Variants in SLC8A1 observed in about 807,000 individuals in gnomAD.
SLC8A1 encodes the protein solute carrier family 8 member A1.
A neutral mutation model predicts 68.3 loss-of-function variants in SLC8A1; 18 were observed. The ratio of observed to expected loss-of-function variants is 0.26; its 90% confidence interval spans 0.18 to 0.39. The LOEUF is 0.39. Ranked by LOEUF, SLC8A1 falls within the 10% of genes least tolerant of loss-of-function variation. The pLI, the probability that SLC8A1 is intolerant of heterozygous loss-of-function variation, is 1.00. For missense variants in SLC8A1, 985 were observed against 1,156.7 expected, an observed-to-expected ratio of 0.85 and a Z score of 2.15; for synonymous variants, 475 against 415.5, an observed-to-expected ratio of 1.14 and a Z score of -1.74.
intron 2 of SLC8A1, among the ~76,000 whole-genome samples, chr2:40,374,119 G>A (rs1431638774): frequency 1.3e-5 from 2 of 152,120 alleles, no homozygotes; most frequent in Non-Finnish European, 2.9e-5. Context: ...AGGAAAAAAT[G>A]TTAAGTTACA....
chr2:40,178,942 G>A (rs2048957258), intron 2 of SLC8A1, among the ~76,000 whole-genome samples: 1 of 152,088 alleles, frequency 6.6e-6, no homozygotes, highest in Admixed American at 6.6e-5. Flanking sequence ...TTGGCTTACA[G>A]GTCATTTTTT....
chr2:40,475,309 A>C (rs1313266715), intron 1 of SLC8A1, among the ~76,000 whole-genome samples: 1 of 151,678 alleles, frequency 6.6e-6, no homozygotes, highest in Non-Finnish European at 1.5e-5. Flanking sequence ...AATTTTTTGC[A>C]TTTTTAGTAG....
intron 2 of SLC8A1, among the ~76,000 whole-genome samples, chr2:40,408,865 T>A (rs1368753112): frequency 6.6e-6 from 1 of 151,322 alleles, no homozygotes; most frequent in Non-Finnish European, 1.5e-5. Flanking sequence ...AAGTATTGAA[T>A]CCAAAGACAC....
chr2:40,233,958 C>T (rs1009348882), intron 2 of SLC8A1, among the ~76,000 whole-genome samples: 1 of 151,634 alleles, frequency 6.6e-6, no homozygotes, highest in African/African-American at 2.4e-5. Flanking sequence ...TGATCTATAT[C>T]TCTGTTTTGG....
chr2:40,197,469 C>A (rs1420819424), intron 2 of SLC8A1, among the ~76,000 whole-genome samples: 1 of 151,978 alleles, frequency 6.6e-6, no homozygotes, highest in Non-Finnish European at 1.5e-5. Flanking sequence ...TAGTCCCTAA[C>A]ATACACACTG....
intron 2 of SLC8A1, among the ~76,000 whole-genome samples, chr2:40,424,220 C>G (rs1416187989): frequency 6.6e-6 from 1 of 151,630 alleles, no homozygotes; most frequent in Non-Finnish European, 1.5e-5. Context: ...CACAATTATC[C>G]TTCTGTTCTG....
chr2:40,208,760 G>A (rs536389694), intron 2 of SLC8A1, among the ~76,000 whole-genome samples: 6 of 152,228 alleles, frequency 3.9e-5, no homozygotes, highest in Non-Finnish European at 8.8e-5. Context: ...GAGTTGAAAT[G>A]AGAAACCAGA....
chr2:40,503,600 T>C (rs1002877826), intron 1 of SLC8A1, among the ~76,000 whole-genome samples: 3 of 151,946 alleles, frequency 2.0e-5, no homozygotes, highest in Non-Finnish European at 4.4e-5. Flanking sequence ...TAAACAAATT[T>C]AGTAAAGTTG....
At chr2:40,415,288 A>G (rs1223467443) in intron 2 of SLC8A1, among the ~76,000 whole-genome samples, 1 of 152,192 alleles carries the variant, frequency 6.6e-6, no homozygotes, top group Non-Finnish European at 1.5e-5. Flanking sequence ...TTTAAGAAGA[A>G]AAATTAAAGA....
rs976219891 is a variant in SLC8A1 at position 40,486,879 on chromosome 2, C to G, written c.-25+25470G>C. On this transcript the variant is annotated intron_variant, in intron 1 of 7. Transcript: ENST00000402441. ...TAATGCTATCCCTCCCCCCTCCCCC[C>G]ACCCCTTTGTAGAGACATGGATGAA... 6.8e-5 allele frequency among the ~76,000 whole-genome samples: 7 copies of G among 102,788 alleles called. No homozygotes were observed. In the Admixed American group the frequency reaches 7.0e-4, roughly 10 times the overall value. The allele number at this position is 102,788 out of a possible 152,430, so 67.4% of individuals were successfully genotyped here.
chr2:40,299,283 T>C (rs2070985317), intron 2 of SLC8A1, among the ~76,000 whole-genome samples: 1 of 152,158 alleles, frequency 6.6e-6, no homozygotes, highest in Non-Finnish European at 1.5e-5. Context: ...TCATTATCCA[T>C]AAAGGGAGTT....
chr2:40,213,927 AAC>A (rs2057033922), intron 2 of SLC8A1, among the ~76,000 whole-genome samples: 1 of 152,180 alleles, frequency 6.6e-6, no homozygotes, highest in Non-Finnish European at 1.5e-5. Context: ...CTAAAAGAAA[AAC>A]AGTAACCACA....
intron 2 of SLC8A1, among the ~76,000 whole-genome samples, chr2:40,415,987 G>T (rs867457179): frequency 1.3e-5 from 2 of 150,528 alleles, no homozygotes; most frequent in Admixed American, 6.7e-5. Context: ...GCTTGAACCC[G>T]GGAGGCGGAG....
intron 2 of SLC8A1, among the ~76,000 whole-genome samples, chr2:40,262,755 C>T (rs972995869): frequency 2.0e-5 from 3 of 152,004 alleles, no homozygotes; most frequent in Non-Finnish European, 4.4e-5. Flanking sequence ...CTGGTGGGCA[C>T]GGAGTCCAAA....
intron 2 of SLC8A1, among the ~76,000 whole-genome samples, chr2:40,345,985 C>T (rs910035416): frequency 7.0e-5 from 10 of 142,756 alleles, no homozygotes; most frequent in South Asian, 2.3e-4. Flanking sequence ...ACATACTGCA[C>T]GTGTATCCCC....
intron 4 of SLC8A1, chr2:40,170,296 C>A (rs373818789): frequency 6.2e-7 from 1 of 1,613,962 alleles, no homozygotes; most frequent in Non-Finnish European, 8.5e-7. Flanking sequence ...ATGGTGATTA[C>A]AGTAGAGAGA....
At chr2:40,396,783 G>T (rs1344887271) in intron 2 of SLC8A1, among the ~76,000 whole-genome samples, 1 of 101,950 alleles carries the variant, frequency 9.8e-6, no homozygotes, top group African/African-American at 4.6e-5. Context: ...AAAAACAAGA[G>T]AAGTTAAAGA....
intron 7 of SLC8A1, among the ~76,000 whole-genome samples, chr2:40,133,255 C>A (rs1225668269): frequency 2.6e-5 from 4 of 152,110 alleles, no homozygotes; most frequent in African/African-American, 9.7e-5. Context: ...ACATGGTGAA[C>A]AACCAGGGTA....
At chr2:40,249,140 A>C (rs1308189148) in intron 2 of SLC8A1, among the ~76,000 whole-genome samples, 1 of 152,176 alleles carries the variant, frequency 6.6e-6, no homozygotes, top group Non-Finnish European at 1.5e-5. Flanking sequence ...TTAAGCTAAG[A>C]TCTGCACTAC....
Sources: allele counts gnomAD v4.1 joint callset (sites outside exome capture counted in the v4.1 genomes callset), GRCh38; gene constraint gnomAD v4.1.1; transcripts MANE v1.5; gene names NCBI Gene and HGNC (gene_info 2026-07-23, HGNC 2026-07-21).